Variants in PARD3 observed in about 807,000 individuals in gnomAD.
PARD3 encodes par-3 family cell polarity regulator.
PARD3 carries 75 observed loss-of-function variants against 155.4 expected under a neutral mutation model. That is an observed-to-expected ratio of 0.48 (90% CI 0.40 to 0.58). The LOEUF (loss-of-function observed/expected upper bound fraction) is 0.58. PARD3 is among the 20% of genes least tolerant of loss of function. The pLI, the probability that PARD3 is intolerant of heterozygous loss-of-function variation, is 0.00. For missense variants in PARD3, 1,642 were observed against 1,721.7 expected (o/e 0.95, Z 0.82); for synonymous variants, 576 against 610.5 (o/e 0.94, Z 0.83).
intron 20 of PARD3, among the ~76,000 whole-genome samples, chr10:34,288,392 A>G (rs772217456): frequency 5.3e-5 from 8 of 152,222 alleles, no homozygotes; most frequent in Non-Finnish European, 1.0e-4. Flanking sequence ...AAAATGGATC[A>G]CTCACAGCTG....
chr10:34,763,245 T>G (rs1451898162), intron 1 of PARD3, among the ~76,000 whole-genome samples: 1 of 152,222 alleles, frequency 6.6e-6, no homozygotes, highest in Admixed American at 6.5e-5. Flanking sequence ...GAAATTTGTC[T>G]ATAATTTTCT....
At chr10:34,235,344 C>T (rs1032248430) in intron 22 of PARD3, among the ~76,000 whole-genome samples, 2 of 152,188 alleles carry the variant, frequency 1.3e-5, no homozygotes, top group South Asian at 2.1e-4. Context: ...TGCTGCTAAA[C>T]ATGACAATGA....
At chr10:34,148,470 T>C (rs1290124545) in intron 22 of PARD3, among the ~76,000 whole-genome samples, 2 of 152,220 alleles carry the variant, frequency 1.3e-5, no homozygotes, top group East Asian at 3.8e-4. Context: ...GACATTATGT[T>C]ACAACAGACC....
chr10:34,633,356 C>T (rs1403301028), intron 2 of PARD3, among the ~76,000 whole-genome samples: 2 of 151,994 alleles, frequency 1.3e-5, no homozygotes, highest in Non-Finnish European at 2.9e-5. Context: ...CTCCCAACCG[C>T]TAACCTCCCA....
intron 22 of PARD3, among the ~76,000 whole-genome samples, chr10:34,254,419 A>G (rs1954537894): frequency 6.6e-6 from 1 of 151,936 alleles, no homozygotes; most frequent in Non-Finnish European, 1.5e-5. Flanking sequence ...AAACAAAAAA[A>G]TTAAGATAAA....
chr10:34,785,164 CATT>C (rs1254275986), intron 1 of PARD3, among the ~76,000 whole-genome samples: 1 of 152,242 alleles, frequency 6.6e-6, no homozygotes, highest in Non-Finnish European at 1.5e-5. Context: ...GCAGGAATGT[CATT>C]AATCTTTCTG....
At chr10:34,666,908 C>T (rs1325230408) in intron 2 of PARD3, among the ~76,000 whole-genome samples, 6 of 150,580 alleles carry the variant, frequency 4.0e-5, no homozygotes, top group Non-Finnish European at 7.4e-5. Flanking sequence ...TGAGTCATGC[C>T]TTGTAATCCC....
chr10:34,323,768 C>T (rs1261357482), intron 19 of PARD3, among the ~76,000 whole-genome samples: 1 of 152,222 alleles, frequency 6.6e-6, no homozygotes, highest in African/African-American at 2.4e-5. Flanking sequence ...TCCCTCCCTT[C>T]CCTAGACAAT....
chr10:34,279,338 G>T (rs2133907626), intron 21 of PARD3, among the ~76,000 whole-genome samples: 1 of 151,754 alleles, frequency 6.6e-6, no homozygotes, highest in East Asian at 1.9e-4. Context: ...TATCGAAATA[G>T]TTAAGTTCTA....
Position 34,291,607 on chromosome 10 carries a change from G to A in PARD3, c.3066-7362C>T, listed in dbSNP as rs150294056. The stretch of plus-strand genomic sequence containing the variant: ...CACAGGGGCTTGAAGGATTTGTTAG[G>A]TCATATAGTGAGTGAGTAGCAAAGC... On this transcript the variant is annotated intron_variant, in intron 20 of 24. Transcript: ENST00000374788. Among the ~76,000 whole-genome samples the A allele has an allele frequency of 3.4e-3, 513 of 152,306 alleles. 7 individuals are homozygous for A. The highest frequency in any genetic ancestry group is 0.014 in the Middle Eastern group (4 of 294).
intron 1 of PARD3, among the ~76,000 whole-genome samples, chr10:34,747,675 A>C (rs1168035772): frequency 2.0e-5 from 3 of 152,226 alleles, no homozygotes; most frequent in Non-Finnish European, 4.4e-5. Context: ...TATGCCCACC[A>C]TGCCAGGTTC....
rs756853481 is a variant in PARD3, at chr10:34,814,967, G to C, written c.29C>G (p.Thr10Ser). Residue 10 changes from threonine (T) to serine (S), a missense_variant, in exon 1 of 25, where the codon ACC becomes AGC. Transcript: ENST00000374788. Reference sequence around the variant, plus strand: ...GTCCCCGCACGGCACGACCACCCGGGTCCGTCCGAAGCACACGGTCACTTT... The same window carrying C: ...GTCCCCGCACGGCACGACCACCCGGCTCCGTCCGAAGCACACGGTCACTTT... Reference protein sequence around the residue: MKVTVCFGRTRVVVPCGDGH... With the variant: MKVTVCFGRSRVVVPCGDGH... 2 of 1,555,992 alleles carry C rather than the reference G, an allele frequency of 1.3e-6. No individual in the cohort carries two copies. Among genetic ancestry groups the C allele is most frequent in the Non-Finnish European group, 1.7e-6 (2 of 1,153,318 alleles).
intron 1 of PARD3, among the ~76,000 whole-genome samples, chr10:34,746,827 T>C (rs975544628): frequency 1.3e-5 from 2 of 152,160 alleles, no homozygotes; most frequent in African/African-American, 4.8e-5. Flanking sequence ...TAAGTTTCTG[T>C]GACATTTTTA....
At chr10:34,672,745 A>T (rs1270341989) in intron 2 of PARD3, among the ~76,000 whole-genome samples, 1 of 152,224 alleles carries the variant, frequency 6.6e-6, no homozygotes, top group Non-Finnish European at 1.5e-5. Flanking sequence ...AATATGTATT[A>T]ATCCTCTAAC....
intron 3 of PARD3, among the ~76,000 whole-genome samples, chr10:34,491,714 T>C (rs2079920313): frequency 6.6e-6 from 1 of 152,236 alleles, no homozygotes; most frequent in South Asian, 2.1e-4. Flanking sequence ...AACAAATGCT[T>C]GGCTGCTTTT....
In PARD3 at chr10:34,372,544, A is replaced by G; in HGVS notation, c.1669-8T>C. ...CTGGCTTGGCTCTGCATTCTAGAAG[A>G]ATTGAAGAAAAACATAAATACAGAC... On this transcript the variant is annotated splice_region_variant and splice_polypyrimidine_tract_variant and intron_variant, in intron 11 of 24. Transcript: ENST00000374788. The G allele has an allele frequency of 6.2e-7, 1 of 1,601,278 alleles. No homozygotes were observed. Among genetic ancestry groups the G allele is most frequent in the Non-Finnish European group, 8.6e-7 (1 of 1,168,586 alleles).
At chr10:34,774,388 TTTTCTGAGTG>T (rs1358855774) in intron 1 of PARD3, among the ~76,000 whole-genome samples, 2 of 152,114 alleles carry the variant, frequency 1.3e-5, no homozygotes, top group African/African-American at 4.8e-5. Flanking sequence ...GCACATGTGG[TTTTCTGAGTG>T]CTGCATTACC....
intron 22 of PARD3, among the ~76,000 whole-genome samples, chr10:34,257,956 T>TA (rs1281073169): frequency 1.3e-5 from 2 of 152,240 alleles, no homozygotes; most frequent in Non-Finnish European, 2.9e-5. Context: ...TGCTTGTTTT[T>TA]AACTCACCAA....
intron 22 of PARD3, among the ~76,000 whole-genome samples, chr10:34,238,375 T>G (rs1953369699): frequency 6.6e-6 from 1 of 152,232 alleles, no homozygotes. Flanking sequence ...CTCTCCTGGT[T>G]GTTTTAATTT....
Sources: gnomAD v4.1 joint callset for allele counts (sites outside exome capture counted in the v4.1 genomes callset) on GRCh38, gnomAD v4.1.1 for gene constraint, MANE v1.5 for transcripts, NCBI Gene and HGNC (gene_info 2026-07-23, HGNC 2026-07-21) for gene names.